Variants in KLHL3 observed in about 807,000 individuals in gnomAD.
The protein encoded by KLHL3 is kelch like family member 3.
A neutral mutation model predicts 70.5 loss-of-function variants in KLHL3; 19 were observed. That is an observed-to-expected ratio of 0.27 (90% CI 0.19 to 0.40). The LOEUF (loss-of-function observed/expected upper bound fraction) is 0.40, where lower values mean the gene tolerates loss of function less well. Among genes scored for constraint, KLHL3 ranks in the 10% least tolerant of loss-of-function variants. KLHL3 has a pLI of 1.00. For missense variants in KLHL3, 512 were observed against 771.1 expected, an observed-to-expected ratio of 0.66 and a Z score of 3.98; for synonymous variants, 258 against 290.3, an observed-to-expected ratio of 0.89 and a Z score of 1.13.
chr5:137,670,167 TGA>T (rs1197597484), intron 6 of KLHL3, among the ~76,000 whole-genome samples: 1 of 152,010 alleles, frequency 6.6e-6, no homozygotes, highest in Non-Finnish European at 1.5e-5. Flanking sequence ...ACATAAAAAT[TGA>T]GAGTTTGAAC....
intron 5 of KLHL3, among the ~76,000 whole-genome samples, chr5:137,682,881 TC>T (rs1752068619): frequency 6.6e-6 from 1 of 152,188 alleles, no homozygotes; most frequent in Admixed American, 6.5e-5. Flanking sequence ...CCAGGACTAT[TC>T]TTCTCTCTTC....
In KLHL3 at chr5:137,639,919, T is replaced by C. The variant is rs1323319557; in HGVS notation, c.962A>G (p.Asp321Gly). 6.2e-7 allele frequency: 1 copy of C among 1,614,012 alleles called. No individual in the cohort carries two copies. The highest frequency in any genetic ancestry group is 1.3e-5 in the African/African-American group (1 of 74,894). Residue 321 changes from aspartate (D) to glycine (G), a missense_variant, in exon 9 of 15, where the codon GAT becomes GGT. By Grantham distance (94) the Asp-to-Gly change is moderately conservative (BLOSUM62 -1). Transcript: ENST00000309755. The surrounding 1 kb of genome is among the most constrained non-coding windows in gnomAD (Gnocchi z 5.0). Reference sequence around the variant, plus strand: ...CTGATCCCACCGGTCCTCCTCGAAATCATAGCACTCCACACTGCGGATTGC... The same window carrying C: ...CTGATCCCACCGGTCCTCCTCGAAACCATAGCACTCCACACTGCGGATTGC... Reference protein sequence around the residue: ...PKAIRSVECYDFEEDRWDQIA... With the variant: ...PKAIRSVECYGFEEDRWDQIA...
At chr5:137,658,496 C>G (rs1417504046) in intron 7 of KLHL3, among the ~76,000 whole-genome samples, 2 of 152,206 alleles carry the variant, frequency 1.3e-5, no homozygotes, top group East Asian at 3.8e-4. Context: ...AGATCCACTA[C>G]TTAACGTCTC....
At chr5:137,702,852 C>T (rs1398138207) in intron 3 of KLHL3, among the ~76,000 whole-genome samples, 1 of 152,098 alleles carries the variant, frequency 6.6e-6, no homozygotes, top group East Asian at 1.9e-4. Context: ...GCAAGCAATC[C>T]CAGAAGCCTA....
chr5:137,623,606 A>G (rs2149875124), intron 14 of KLHL3, among the ~76,000 whole-genome samples: 1 of 152,352 alleles, frequency 6.6e-6, no homozygotes, highest in East Asian at 1.9e-4. Flanking sequence ...GCAGAACACA[A>G]AGAAAAAATC....
chr5:137,700,516 G>A (rs891621788), intron 3 of KLHL3, among the ~76,000 whole-genome samples: 3 of 152,176 alleles, frequency 2.0e-5, no homozygotes, highest in Non-Finnish European at 2.9e-5. Context: ...AAATGGAAAC[G>A]CCTGGAATTG....
At chr5:137,676,722 G>A (rs918113665) in intron 6 of KLHL3, among the ~76,000 whole-genome samples, 3 of 152,186 alleles carry the variant, frequency 2.0e-5, no homozygotes, top group Admixed American at 1.3e-4. Context: ...AAACACAGGA[G>A]AGGCAAAGTA....
At chr5:137,683,757 AGCTCTCTTTCTCTCTCTCTCTCTCTCT>A (rs1206442794) in intron 5 of KLHL3, among the ~76,000 whole-genome samples, 3 of 80,742 alleles carry the variant, frequency 3.7e-5, no homozygotes, top group Non-Finnish European at 7.0e-5. Context: ...CTCTCTCTCT[AGCTCTCTTTCTCTCTCTCTCTCTCTCT>A]CACACACACA....
chr5:137,692,756 A>C (rs1052704368), intron 4 of KLHL3: 15 of 300,426 alleles, frequency 5.0e-5, no homozygotes, highest in African/African-American at 3.2e-4. Context: ...TGCATTTCTA[A>C]TAAGAACTCA....
intron 1 of KLHL3, among the ~76,000 whole-genome samples, chr5:137,730,153 A>G (rs1298913195): frequency 6.6e-6 from 1 of 152,204 alleles, no homozygotes; most frequent in Non-Finnish European, 1.5e-5. Context: ...AAGTCTTCCC[A>G]AAAGTCCCAC....
At chr5:137,686,956 C>T (rs1389695319) in intron 5 of KLHL3, among the ~76,000 whole-genome samples, 2 of 100,776 alleles carry the variant, frequency 2.0e-5, no homozygotes, top group African/African-American at 7.3e-5. Context: ...CCAGCCGCCC[C>T]GTCCGGGAGG....
rs10578622 is a variant in KLHL3, at chr5:137,682,403, T to TAGAGAGAGAGAG, written c.527-4761_527-4750dup. 8.0e-3 allele frequency among the ~76,000 whole-genome samples: 1,071 copies of TAGAGAGAGAGAG among 133,424 alleles called. 13 individuals are homozygous for TAGAGAGAGAGAG. Among genetic ancestry groups the TAGAGAGAGAGAG allele is most frequent in the African/African-American group, 0.024 (855 of 35,874 alleles). The allele number at this position is 133,424 out of a possible 152,430, so 87.5% of individuals were successfully genotyped here. On this transcript the variant is annotated intron_variant, in intron 5 of 14. Transcript: ENST00000309755. Reference sequence around the variant, plus strand: ...GAATCCCTCTCAGGGGTGCTGGACATAGAGAGAGAGAGAGAGAGAGAGAGA... The same window carrying TAGAGAGAGAGAG: ...GAATCCCTCTCAGGGGTGCTGGACATAGAGAGAGAGAGAGAGAGAGAGAGAGAGAGAGAGAGA...
intron 2 of KLHL3, among the ~76,000 whole-genome samples, chr5:137,711,515 C>G (rs984536331): frequency 6.6e-6 from 1 of 152,176 alleles, no homozygotes; most frequent in Non-Finnish European, 1.5e-5. Flanking sequence ...AATAAAGTAT[C>G]GTTAAGGAGG....
chr5:137,625,641 C>T, intron 14 of KLHL3, 112 bp downstream of exon 14: 1 of 1,250,432 alleles, frequency 8.0e-7, no homozygotes, highest in South Asian at 1.4e-5. Flanking sequence ...AGGAGGCACT[C>T]AGGCCCAAGT....
intron 5 of KLHL3, among the ~76,000 whole-genome samples, chr5:137,686,013 A>T (rs1752154851): frequency 6.6e-6 from 1 of 152,216 alleles, no homozygotes; most frequent in South Asian, 2.1e-4. Flanking sequence ...CAACAACAAT[A>T]ACAACAGAAA....
chr5:137,618,113 G>C lies in KLHL3; in HGVS notation c.*3985C>G, dbSNP rs1756276440. 1 of 152,436 alleles carries C rather than the reference G, an allele frequency of 6.6e-6. No individual in the cohort carries two copies. Among genetic ancestry groups the C allele is most frequent in the Non-Finnish European group, 1.5e-5 (1 of 68,030 alleles). The allele number at this position is 152,436 out of a possible 1,614,324, so 9.4% of individuals were successfully genotyped here. On this transcript the variant is annotated 3_prime_UTR_variant, in exon 15 of 15. Transcript: ENST00000309755. ...GGAAGTGCTGCTGGCTCTCCTGCTT[G>C]GTCAGTAGAAACACAGCACAGCTGA...
rs2057680 is a variant in KLHL3 at position 137,620,788 on chromosome 5, G to A, written c.*1310C>T. 0.43 allele frequency: 65,877 copies of A among 152,030 alleles called. 16,708 individuals are homozygous for A. The highest frequency in any genetic ancestry group is 0.56 in the Non-Finnish European group (37,828 of 67,968). The allele number at this position is 152,030 out of a possible 1,614,324, so 9.4% of individuals were successfully genotyped here. A position where few individuals can be genotyped will look rare whatever the true frequency, so the allele number is the denominator to read the frequency against. On this transcript the variant is annotated 3_prime_UTR_variant, in exon 15 of 15. Coordinates refer to ENST00000309755, the MANE Select transcript of KLHL3 (RefSeq NM_017415.3). ...CATCTTAGGAAGCCTCAAATCCAAGGCCCACTGATATCTCCTACCTCACAG... is the reference window on the plus strand; with the variant it reads ...CATCTTAGGAAGCCTCAAATCCAAGACCCACTGATATCTCCTACCTCACAG...
chr5:137,670,200 G>A (rs966908254), intron 6 of KLHL3, among the ~76,000 whole-genome samples: 1 of 152,114 alleles, frequency 6.6e-6, no homozygotes, highest in Non-Finnish European at 1.5e-5. Flanking sequence ...CAGGTGGTAT[G>A]GGAAATATCT....
intron 7 of KLHL3, 171 bp downstream of exon 7, chr5:137,661,744 T>C: frequency 1.9e-6 from 1 of 527,850 alleles, no homozygotes; most frequent in Non-Finnish European, 3.4e-6. Flanking sequence ...TTTTCAAGCC[T>C]ATGCTCTTAA....
Sources: gnomAD v4.1 joint callset for allele counts (sites outside exome capture counted in the v4.1 genomes callset) on GRCh38, gnomAD v4.1.1 for gene constraint, Gnocchi (gnomAD v3.1) non-coding constraint, MANE v1.5 for transcripts, NCBI Gene and HGNC (gene_info 2026-07-23, HGNC 2026-07-21) for gene names.